SLC8A1: variants seen among roughly 807,000 people sequenced by gnomAD.
SLC8A1 encodes solute carrier family 8 member A1.
A neutral mutation model predicts 68.3 loss-of-function variants in SLC8A1; 18 were observed. The observed-to-expected ratio is 0.26, with a 90% CI of 0.18 to 0.39. The LOEUF (loss-of-function observed/expected upper bound fraction) is 0.39. Among genes scored for constraint, SLC8A1 ranks in the 10% least tolerant of loss-of-function variants. The pLI, the probability that SLC8A1 is intolerant of heterozygous loss-of-function variation, is 1.00. For missense variants in SLC8A1, 985 were observed against 1,156.7 expected (o/e 0.85, Z 2.15); for synonymous variants, 475 against 415.5 (o/e 1.14, Z -1.74).
chr2:40,391,027 A>T (rs968393578), intron 2 of SLC8A1, among the ~76,000 whole-genome samples: 1 of 152,064 alleles, frequency 6.6e-6, no homozygotes, highest in African/African-American at 2.4e-5. Context: ...GACAAGATCA[A>T]CCATTTTATG....
At chr2:40,429,741 G>C in exon 2 of SLC8A1, 4 of 1,613,792 alleles carry the variant, frequency 2.5e-6, no homozygotes, top group Non-Finnish European at 3.4e-6. Context: ...CAATAATGAT[G>C]AACATATTGA....
intron 2 of SLC8A1, chr2:40,189,998 T>G (rs2051457769): frequency 1.3e-5 from 2 of 152,170 alleles, no homozygotes; most frequent in African/African-American, 4.8e-5. Flanking sequence ...CTCTCCTCGG[T>G]CATTACTAAC....
At chr2:40,107,296 A>AAAAAAAAAAG (rs1558384318) in exon 8 of SLC8A1, 1 of 135,246 alleles carries the variant, frequency 7.4e-6, no homozygotes, top group African/African-American at 2.5e-5. Flanking sequence ...AAAAAAAAAA[A>AAAAAAAAAAG]AAAGAAAATG....
chr2:40,420,743 G>A (rs1265398810), intron 2 of SLC8A1, among the ~76,000 whole-genome samples: 1 of 152,128 alleles, frequency 6.6e-6, no homozygotes, highest in East Asian at 1.9e-4. Flanking sequence ...CTTCTGAGCA[G>A]CTTGAGCATG....
At chr2:40,197,650 T>C (rs2053307899) in intron 2 of SLC8A1, among the ~76,000 whole-genome samples, 3 of 152,006 alleles carry the variant, frequency 2.0e-5, no homozygotes, top group African/African-American at 7.2e-5. Context: ...ATAAGGACTC[T>C]AAAGGAAATT....
At chr2:40,214,435 CTT>C (rs34050040) in intron 2 of SLC8A1, among the ~76,000 whole-genome samples, 2 of 141,380 alleles carry the variant, frequency 1.4e-5, no homozygotes, top group South Asian at 2.3e-4. Context: ...TGTACACTAT[CTT>C]TTTTTTTTTT....
chr2:40,314,376 C>T (rs531294369), intron 2 of SLC8A1, among the ~76,000 whole-genome samples: 6 of 152,032 alleles, frequency 3.9e-5, no homozygotes, highest in African/African-American at 1.2e-4. Flanking sequence ...TATTTTTATG[C>T]CACTACCACA....
At chr2:40,165,017 G>T (rs2148476782) in intron 4 of SLC8A1, 33 bp from the exon 8 acceptor site, 1 of 1,612,376 alleles carries the variant, frequency 6.2e-7, no homozygotes. Flanking sequence ...AGTGAGCACT[G>T]TGTTCTGTTT....
intron 2 of SLC8A1, among the ~76,000 whole-genome samples, chr2:40,236,297 A>G (rs1441713939): frequency 1.3e-5 from 2 of 151,738 alleles, no homozygotes; most frequent in Admixed American, 1.3e-4. Context: ...TATTGGGTGC[A>G]TATATATTTA....
At chr2:40,113,436 A>C (rs957230097) in exon 8 of SLC8A1, 2 of 152,754 alleles carry the variant, frequency 1.3e-5, no homozygotes, top group African/African-American at 2.4e-5. Flanking sequence ...AGAAACAGCT[A>C]TTCTTTTTAA....
chr2:40,131,266 G>A (rs969900425), intron 7 of SLC8A1, among the ~76,000 whole-genome samples: 1 of 152,178 alleles, frequency 6.6e-6, no homozygotes, highest in South Asian at 2.1e-4. Context: ...TAAAGCTCAT[G>A]TTCTTTTATA....
intron 1 of SLC8A1, among the ~76,000 whole-genome samples, chr2:40,501,399 AATTGCATAC>A (rs1237370311): frequency 6.6e-6 from 1 of 152,148 alleles, no homozygotes; most frequent in African/African-American, 2.4e-5. Context: ...GTTAGGAAAT[AATTGCATAC>A]ATTTGCTCAC....
chr2:40,351,812 A>G (rs1671194877), intron 2 of SLC8A1, among the ~76,000 whole-genome samples: 1 of 152,176 alleles, frequency 6.6e-6, no homozygotes, highest in African/African-American at 2.4e-5. Flanking sequence ...GGTAGGAATG[A>G]AAGATTCAAA....
At position 40,252,983 on chromosome 2, in the gene SLC8A1, CTGTA is replaced by C. The variant is rs199537716; in HGVS notation, c.1809-75132_1809-75129del. On this transcript the variant is annotated intron_variant, in intron 2 of 7. Transcript: ENST00000406785. ...TGTATATGTATGTACATATATGTAT[CTGTA>C]TATATGTATATACATATATATGTAT... Among the ~76,000 whole-genome samples, 774 of 136,354 alleles carry C rather than the reference CTGTA, an allele frequency of 5.7e-3. 10 individuals carry two copies. The highest frequency in any genetic ancestry group is 0.021 in the African/African-American group (736 of 34,904). The allele number at this position is 136,354 out of a possible 152,430, so 89.5% of individuals were successfully genotyped here.
chr2:40,177,920 C>T, intron 2 of SLC8A1: 1 of 1,054,718 alleles, frequency 9.5e-7, no homozygotes, highest in Non-Finnish European at 1.4e-6. Flanking sequence ...TCTTGGTGTC[C>T]ACCAAGCTGA....
exon 8 of SLC8A1, chr2:40,098,627 TAGTGC>T (rs1396678337): frequency 6.6e-6 from 1 of 152,048 alleles, no homozygotes; most frequent in Non-Finnish European, 1.5e-5. Flanking sequence ...AAATGTAATT[TAGTGC>T]AGTATAAGAA....
intron 1 of SLC8A1, among the ~76,000 whole-genome samples, chr2:40,463,503 T>C (rs1368028449): frequency 6.6e-6 from 1 of 152,178 alleles, no homozygotes; most frequent in South Asian, 2.1e-4. Context: ...TTTTCTGCCC[T>C]TTTTCACTTC....
intron 7 of SLC8A1, among the ~76,000 whole-genome samples, chr2:40,138,222 G>A (rs1439449706): frequency 6.6e-6 from 1 of 152,168 alleles, no homozygotes; most frequent in Admixed American, 6.5e-5. Flanking sequence ...GCTTCCTGAA[G>A]AAGAATAACT....
chr2:40,239,792 G>T (rs770101769), intron 2 of SLC8A1, among the ~76,000 whole-genome samples: 34 of 152,200 alleles, frequency 2.2e-4, no homozygotes, highest in Non-Finnish European at 4.6e-4. Flanking sequence ...TGTTACAGGA[G>T]TGAAGTACAA....
Sources: allele counts gnomAD v4.1 joint callset (sites outside exome capture counted in the v4.1 genomes callset), GRCh38; gene constraint gnomAD v4.1.1; transcripts MANE v1.5; gene names NCBI Gene and HGNC (gene_info 2026-07-23, HGNC 2026-07-21).